Variants in TCF4 observed in about 807,000 individuals in gnomAD.
TCF4 encodes transcription factor 4, also known as SL3-3 enhancer factor 2.
TCF4 carries 3 observed loss-of-function variants against 82.1 expected under a neutral mutation model. That is an observed-to-expected ratio of 0.04 (90% CI 0.02 to 0.09). The LOEUF (loss-of-function observed/expected upper bound fraction) is 0.09. Ranked by LOEUF, TCF4 falls within the 10% of genes least tolerant of loss-of-function variation. The pLI, the probability that TCF4 is intolerant of heterozygous loss-of-function variation, is 1.00. For missense variants in TCF4, 518 were observed against 852.7 expected (o/e 0.61, Z 4.89); for synonymous variants, 276 against 309.6 (o/e 0.89, Z 1.14).
intron 8 of TCF4, among the ~76,000 whole-genome samples, chr18:55,318,472 G>A (rs899462949): frequency 5.9e-5 from 9 of 151,874 alleles, no homozygotes; most frequent in East Asian, 3.9e-4. Flanking sequence ...ATTTGGATCC[G>A]TTAGTATTTA....
Position 55,563,266 on chromosome 18 carries a change from G to GT in TCF4, c.145+22013dup, listed in dbSNP as rs1453262624. On this transcript the variant is annotated intron_variant, in intron 3 of 19. Transcript: ENST00000354452. The stretch of plus-strand genomic sequence containing the variant: ...AAAAAAAAAAAAAAAAAAAGTCTGC[G>GT]TTTTTTCTTTCTCTGGCTAATAAAA... 2.0e-5 allele frequency among the ~76,000 whole-genome samples: 3 copies of GT among 149,342 alleles called. No homozygotes were observed. In the East Asian group the frequency reaches 5.8e-4, roughly 29 times the overall value.
intron 1 of TCF4, among the ~76,000 whole-genome samples, chr18:55,634,675 C>T (rs896988273): frequency 1.3e-5 from 2 of 152,138 alleles, no homozygotes; most frequent in East Asian, 1.9e-4. Context: ...CAATTTTATC[C>T]TATATTAAAC....
At chr18:55,449,536 T>G (rs769527480) in intron 5 of TCF4, among the ~76,000 whole-genome samples, 22 of 152,222 alleles carry the variant, frequency 1.4e-4, no homozygotes, top group Non-Finnish European at 1.3e-4. Context: ...GTGCAATCAG[T>G]TACACATAAA....
intron 6 of TCF4, among the ~76,000 whole-genome samples, chr18:55,385,954 A>G (rs775541490): frequency 6.6e-6 from 1 of 152,228 alleles, no homozygotes; most frequent in Non-Finnish European, 1.5e-5. Context: ...TTCCTGGAAG[A>G]CAAAGCTGCC....
intron 3 of TCF4, among the ~76,000 whole-genome samples, chr18:55,540,857 G>A (rs962002377): frequency 1.3e-5 from 2 of 151,732 alleles, no homozygotes; most frequent in Admixed American, 6.6e-5. Flanking sequence ...AAATTCAATC[G>A]CTGACTATTA....
intron 6 of TCF4, among the ~76,000 whole-genome samples, chr18:55,353,267 G>A (rs953373286): frequency 6.6e-6 from 1 of 152,182 alleles, no homozygotes; most frequent in Non-Finnish European, 1.5e-5. Context: ...GCTACAGGCT[G>A]TGGTTGACCT....
chr18:55,254,799 T>A, intron 14 of TCF4, 99 bp from the exon 15 acceptor site: 2 of 1,043,758 alleles, frequency 1.9e-6, no homozygotes, highest in East Asian at 5.2e-5. Flanking sequence ...ACTGTGTTTC[T>A]AAATACATGT....
intron 3 of TCF4, among the ~76,000 whole-genome samples, chr18:55,525,390 TAG>T (rs1389320276): frequency 6.6e-6 from 1 of 152,112 alleles, no homozygotes; most frequent in Non-Finnish European, 1.5e-5. Context: ...AAAGACCAGG[TAG>T]AGAGACTCCC....
chr18:55,508,918 A>C (rs1309027874), intron 3 of TCF4, among the ~76,000 whole-genome samples: 1 of 152,220 alleles, frequency 6.6e-6, no homozygotes, highest in Admixed American at 6.5e-5. Flanking sequence ...CAAAATGTAA[A>C]TCGTATTTTT....
intron 5 of TCF4, among the ~76,000 whole-genome samples, chr18:55,425,747 G>C (rs1469320250): frequency 1.3e-5 from 2 of 152,128 alleles, no homozygotes; most frequent in Non-Finnish European, 1.5e-5. Flanking sequence ...CAAGATCAAA[G>C]GAACTAAAAC....
chr18:55,275,560 G>A, intron 10 of TCF4, 59 bp downstream of exon 10: 1 of 1,611,394 alleles, frequency 6.2e-7, no homozygotes, highest in Non-Finnish European at 8.5e-7. Flanking sequence ...TGGAAAGACA[G>A]AGGACGAGGT....
At chr18:55,347,058 T>C (rs2081328103) in intron 8 of TCF4, among the ~76,000 whole-genome samples, 1 of 152,142 alleles carries the variant, frequency 6.6e-6, no homozygotes, top group Non-Finnish European at 1.5e-5. Flanking sequence ...GAGTTTAAGA[T>C]GAAATATGGT....
intron 15 of TCF4, among the ~76,000 whole-genome samples, chr18:55,243,800 T>C (rs369979136): frequency 1.3e-5 from 2 of 152,064 alleles, no homozygotes; most frequent in Non-Finnish European, 2.9e-5. Flanking sequence ...GAACAGGTAA[T>C]AGACCAAACG....
intron 15 of TCF4, among the ~76,000 whole-genome samples, chr18:55,241,053 A>C (rs1416314941): frequency 6.6e-6 from 1 of 152,232 alleles, no homozygotes; most frequent in African/African-American, 2.4e-5. Flanking sequence ...GGATTTAAAC[A>C]TGATCTAAAT....
chr18:55,331,755 T>A (rs1420554387), intron 8 of TCF4, among the ~76,000 whole-genome samples: 1 of 152,374 alleles, frequency 6.6e-6, no homozygotes, highest in Non-Finnish European at 1.5e-5. Flanking sequence ...CCAAATGTTC[T>A]AATTATTATT....
chr18:55,275,275 G>GAAA lies in TCF4; in HGVS notation c.789+341_789+343dup, dbSNP rs533160424. ...AGTACATCTTTTGAAACTACAGATA[G>GAAA]AAAAAAAAAAAAAAAAAAAAAAACC... On this transcript the variant is annotated intron_variant, in intron 10 of 19. Coordinates refer to ENST00000354452, the MANE Select transcript of TCF4 (RefSeq NM_001083962.2). Among the ~76,000 whole-genome samples the GAAA allele has an allele frequency of 4.6e-3, 328 of 71,274 alleles. 2 individuals carry two copies. Among genetic ancestry groups the GAAA allele is most frequent in the Middle Eastern group, 0.024 (2 of 84 alleles). 46.8% of individuals were successfully genotyped at this position (71,274 alleles called of 152,430 possible).
In TCF4 at chr18:55,537,133, CG is replaced by C. The variant is rs201768612; in HGVS notation, c.145+48146del. Among the ~76,000 whole-genome samples the C allele has an allele frequency of 2.8e-3, 314 of 113,962 alleles. 3 individuals are homozygous for C. The highest frequency in any genetic ancestry group is 3.8e-3 in the Non-Finnish European group (222 of 57,836). The allele number at this position is 113,962 out of a possible 152,430, so 74.8% of individuals were successfully genotyped here. A position where few individuals can be genotyped will look rare whatever the true frequency, so the allele number is the denominator to read the frequency against. ...TGGGCAACAGAGCGAGACTCCGTCT[CG>C]GAAAAAAAAAAAAAAAAAAAGTACT... On this transcript the variant is annotated intron_variant, in intron 3 of 19. Coordinates refer to ENST00000354452, the MANE Select transcript of TCF4 (RefSeq NM_001083962.2).
At chr18:55,594,712 A>G (rs1409054291) in intron 2 of TCF4, among the ~76,000 whole-genome samples, 2 of 152,214 alleles carry the variant, frequency 1.3e-5, no homozygotes, top group African/African-American at 4.8e-5. Context: ...CCATGGGGAC[A>G]GTGTCTTCAT....
rs373683231 is a variant in TCF4 at position 55,269,982 on chromosome 18, A to G, written c.790-19T>C. 2.6e-4 allele frequency: 421 copies of G among 1,612,848 alleles called. No individual in the cohort carries two copies. Among genetic ancestry groups the G allele is most frequent in the Non-Finnish European group, 3.5e-4 (410 of 1,179,228 alleles). ...GATAGCTCTATAGCAAGAAGCAGAAAAAGGTGGCCATATTTAATCATAAGG... is the reference window on the plus strand; with the variant it reads ...GATAGCTCTATAGCAAGAAGCAGAAGAAGGTGGCCATATTTAATCATAAGG... On this transcript the variant is annotated intron_variant, in intron 10 of 19. Coordinates refer to ENST00000354452, the MANE Select transcript of TCF4 (RefSeq NM_001083962.2).
Sources: allele counts gnomAD v4.1 joint callset (sites outside exome capture counted in the v4.1 genomes callset), GRCh38; gene constraint gnomAD v4.1.1; transcripts MANE v1.5; gene names NCBI Gene and HGNC (gene_info 2026-07-23, HGNC 2026-07-21).